The following PCDHB11 variants were observed in gnomAD, a reference collection of about 807,000 sequenced individuals.
PCDHB11 encodes protocadherin beta-11.
For missense variants in PCDHB11, 1,151 were observed against 1,003.4 expected (o/e 1.15, Z -1.99); for synonymous variants, 522 against 442.0 (o/e 1.18, Z -2.27).
At position 141,200,508 on chromosome 5, in the gene PCDHB11, C is replaced by CTT; in HGVS notation, c.738_739dup (p.Tyr247PhefsTer4). On this transcript the variant is annotated frameshift_variant, in exon 1 of 1. Transcript: ENST00000354757. LOFTEE classifies it low-confidence loss of function (END_TRUNC). ...GACAACTCCCCTGAATTTGAGCAGG[C>CTT]TTTTTATGAGGTGAAGATTCGGGAG... 1 of 1,614,142 alleles carries CTT rather than the reference C, an allele frequency of 6.2e-7. No homozygotes were observed. Among genetic ancestry groups the CTT allele is most frequent in the South Asian group, 1.1e-5 (1 of 91,082 alleles).
In PCDHB11 at chr5:141,201,507, G is replaced by A. The variant is rs1338909225; in HGVS notation, c.1733G>A (p.Arg578Gln). 2 of 1,608,856 alleles carry A rather than the reference G, an allele frequency of 1.2e-6. No homozygotes were observed. The highest frequency in any genetic ancestry group is 4.5e-4 in the Middle Eastern group (2 of 4,430). ...GSAPCTELVP[R>Q]AAEPGYLVTK... ...GCGCCCTGCACCGAGCTGGTGCCCC[G>A]GGCGGCCGAGCCGGGCTACCTGGTG... The change falls in exon 1 of 1, where the codon CGG (arginine) becomes CAG (glutamine). Residue 578 changes from arginine (R) to glutamine (Q), a missense_variant. Coordinates refer to ENST00000354757, the MANE Select transcript of PCDHB11 (RefSeq NM_018931.3).
rs781881768 is a variant in PCDHB11, at chr5:141,200,314, T to C, written c.540T>C (p.Ile180=). The C allele has an allele frequency of 1.9e-6, 3 of 1,613,990 alleles. No individual in the cohort carries two copies. The highest frequency in any genetic ancestry group is 2.5e-6 in the Non-Finnish European group (3 of 1,180,026). The change falls in exon 1 of 1, where the codon ATT becomes ATC. Residue 180 remains isoleucine (I), a synonymous_variant. Coordinates refer to ENST00000354757, the MANE Select transcript of PCDHB11 (RefSeq NM_018931.3). ...TAAGCCCCAACTCTCATTTTCACAT[T>C]AAAATGAGAGTCATTCCAGACAATA... is the stretch of plus-strand genomic sequence containing the variant. ...YTISPNSHFH[I]KMRVIPDNRK...
rs368457452 is a variant in PCDHB11, at chr5:141,201,234, A to C, written c.1460A>C (p.Asn487Thr). 6.6e-5 allele frequency: 107 copies of C among 1,613,034 alleles called. No individual in the cohort carries two copies. The African/African-American group carries it at 8.5e-4, about 13-fold the overall frequency. ...DRDSGTNAQV[N>T]YSLLPPQDLH... Reference sequence around the variant, plus strand: ...GACTCAGGCACCAACGCCCAGGTCAACTACTCGCTACTCCCGCCCCAGGAC... The same window carrying C: ...GACTCAGGCACCAACGCCCAGGTCACCTACTCGCTACTCCCGCCCCAGGAC... The change falls in exon 1 of 1, where the codon AAC (asparagine) becomes ACC (threonine). Residue 487 changes from asparagine to threonine, a missense_variant. Transcript: ENST00000354757.
chr5:141,202,229 TTTAGTC>T lies in PCDHB11; in HGVS notation c.*65_*70del, dbSNP rs1563969307. ...GTTTTATGTAACCATATCAATATTA[TTTAGTC>T]TTAAACTAGTTACGTTATTATGCAA... On this transcript the variant is annotated 3_prime_UTR_variant, in exon 1 of 1. Transcript: ENST00000354757. 1.5e-6 allele frequency: 2 copies of T among 1,376,564 alleles called. No individual in the cohort carries two copies. Among genetic ancestry groups the T allele is most frequent in the Admixed American group, 2.5e-5 (1 of 40,248 alleles). 85.3% of individuals were successfully genotyped at this position (1,376,564 alleles called of 1,614,324 possible). A position where few individuals can be genotyped will look rare whatever the true frequency, so the allele number is the denominator to read the frequency against.
Position 141,201,784 on chromosome 5 carries a change from C to T in PCDHB11, c.2010C>T (p.Tyr670=), listed in dbSNP as rs782091603. ...TGGTGGACGGCTTCTCCCAGCCCTA[C>T]CTGCCGCTCCCTGAGGCGGCACCGG... ...VLLVDGFSQP[Y]LPLPEAAPAQ... Residue 670 remains tyrosine, a synonymous_variant, in exon 1 of 1, where the codon TAC becomes TAT. Transcript: ENST00000354757. The T allele has an allele frequency of 5.5e-5, 89 of 1,609,826 alleles. No homozygotes were observed. Among genetic ancestry groups the T allele is most frequent in the Non-Finnish European group, 7.1e-5 (84 of 1,179,782 alleles).
In PCDHB11 at chr5:141,201,991, G is replaced by A. The variant is rs182213876; in HGVS notation, c.2217G>A (p.Val739=). 29 of 1,614,134 alleles carry A rather than the reference G, an allele frequency of 1.8e-5. No individual in the cohort carries two copies. The East Asian group carries it at 5.1e-4, about 29-fold the overall frequency. The stretch of plus-strand genomic sequence containing the variant: ...CCTTTCCAGGGCATCTGGTGGACGT[G>A]AGCGGCACCGGGACCCTTTCCCAGA... ...KGPFPGHLVD[V]SGTGTLSQSY... The change falls in exon 1 of 1, where the codon GTG becomes GTA. Residue 739 remains valine (V), a synonymous_variant. Coordinates refer to ENST00000354757, the MANE Select transcript of PCDHB11 (RefSeq NM_018931.3).
In PCDHB11 at chr5:141,202,533, C is replaced by CTTGA. The variant is rs1754230511; in HGVS notation, c.*366_*369dup. 6.1e-6 allele frequency: 1 copy of CTTGA among 164,464 alleles called. No homozygotes were observed. The highest frequency in any genetic ancestry group is 1.3e-5 in the Non-Finnish European group (1 of 76,330). The allele number at this position is 164,464 out of a possible 1,614,324, so 10.2% of individuals were successfully genotyped here. ...ACGTTGGCCGGGCAGGTTTTAAACT[C>CTTGA]TTGACCTCATGTTCCACCCGCCACG... On this transcript the variant is annotated 3_prime_UTR_variant, in exon 1 of 1. Transcript: ENST00000354757.
rs1241721332 is a variant in PCDHB11 at position 141,202,930 on chromosome 5, T to C, written c.*762T>C. ...TTCAATTTTCAAGTATTGCATATCATTGTGAATAACATTGTAAATCCTTTT... is the reference window on the plus strand; with the variant it reads ...TTCAATTTTCAAGTATTGCATATCACTGTGAATAACATTGTAAATCCTTTT... On this transcript the variant is annotated 3_prime_UTR_variant, in exon 1 of 1. Coordinates refer to ENST00000354757, the MANE Select transcript of PCDHB11 (RefSeq NM_018931.3). 2 of 151,902 alleles carry C rather than the reference T, an allele frequency of 1.3e-5. No individual in the cohort carries two copies. The highest frequency in any genetic ancestry group is 4.8e-5 in the African/African-American group (2 of 41,310). 9.4% of individuals were successfully genotyped at this position (151,902 alleles called of 1,614,324 possible).
At position 141,201,459 on chromosome 5, in the gene PCDHB11, T is replaced by C. The variant is rs1554285614; in HGVS notation, c.1685T>C (p.Leu562Pro). Residue 562 changes from leucine (L) to proline (P), a missense_variant, in exon 1 of 1, where the codon CTG becomes CCG. Physicochemically the swap from Leu to Pro is moderately conservative, Grantham distance 98. Coordinates refer to ENST00000354757, the MANE Select transcript of PCDHB11 (RefSeq NM_018931.3). ...LDANDNSPFV[L>P]YPLQNGSAPC... ...GCCAACGACAACTCGCCCTTCGTGC[T>C]GTACCCGCTGCAGAACGGCTCCGCG... is the stretch of plus-strand genomic sequence containing the variant. 9 of 1,610,878 alleles carry C rather than the reference T, an allele frequency of 5.6e-6. No homozygotes were observed. The highest frequency in any genetic ancestry group is 1.1e-5 in the South Asian group (1 of 90,910).
Position 141,201,186 on chromosome 5 carries a change from G to C in PCDHB11, c.1412G>C (p.Gly471Ala). Residue 471 changes from glycine (G) to alanine (A), a missense_variant, in exon 1 of 1, where the codon GGC (glycine) becomes GCC (alanine). By Grantham distance (60) the Gly-to-Ala change is moderately conservative. Transcript: ENST00000354757. ...RENNSPALHI[G>A]SVSATDRDSG... Reference sequence around the variant, plus strand: ...AACAACAGCCCCGCCCTGCACATCGGCAGTGTCAGCGCTACAGACAGAGAC... The same window carrying C: ...AACAACAGCCCCGCCCTGCACATCGCCAGTGTCAGCGCTACAGACAGAGAC... 1.2e-6 allele frequency: 2 copies of C among 1,613,364 alleles called. No homozygotes were observed. The highest frequency in any genetic ancestry group is 8.5e-7 in the Non-Finnish European group (1 of 1,180,020).
At position 141,202,114 on chromosome 5, in the gene PCDHB11, G is replaced by C. The variant is rs1044790815; in HGVS notation, c.2340G>C (p.Gly780=). Residue 780 remains glycine (G), a synonymous_variant, in exon 1 of 1, where the codon GGG becomes GGC. Coordinates refer to ENST00000354757, the MANE Select transcript of PCDHB11 (RefSeq NM_018931.3). ...CTAATATCCAGGCAAAAGGTCTTGG[G>C]AAGAATAGTGAAGAAAACTCCACCT... ...VIPNIQAKGL[G]KNSEENSTFR... 1 of 1,613,308 alleles carries C rather than the reference G, an allele frequency of 6.2e-7. No homozygotes were observed. Among genetic ancestry groups the C allele is most frequent in the Non-Finnish European group, 8.5e-7 (1 of 1,179,582 alleles).
At position 141,200,966 on chromosome 5, in the gene PCDHB11, G is replaced by A; in HGVS notation, c.1192G>A (p.Glu398Lys). The A allele has an allele frequency of 6.2e-7, 1 of 1,614,172 alleles. No homozygotes were observed. The highest frequency in any genetic ancestry group is 1.1e-5 in the South Asian group (1 of 91,084). ...CCCATTCGTGCTAAAATCTTCAGTTGAGAATTACTACACGTTGGAAACAGA... is the reference window on the plus strand; with the variant it reads ...CCCATTCGTGCTAAAATCTTCAGTTAAGAATTACTACACGTTGGAAACAGA... ...DLPFVLKSSVENYYTLETERP... is the reference protein window; with the variant it reads ...DLPFVLKSSVKNYYTLETERP... Residue 398 changes from glutamate to lysine, a missense_variant, in exon 1 of 1, where the codon GAG becomes AAG. Coordinates refer to ENST00000354757, the MANE Select transcript of PCDHB11 (RefSeq NM_018931.3).
In PCDHB11 at chr5:141,201,390, C is replaced by A; in HGVS notation, c.1616C>A (p.Pro539Gln). The A allele has an allele frequency of 6.2e-7, 1 of 1,612,416 alleles. No individual in the cohort carries two copies. Among genetic ancestry groups the A allele is most frequent in the Non-Finnish European group, 8.5e-7 (1 of 1,179,852 alleles). ...FRVGATDRGS[P>Q]ALSSEALVRV... ...GTGGGCGCCACAGACCGCGGCTCCC[C>A]GGCTTTGAGCAGCGAGGCGCTGGTG... is the stretch of plus-strand genomic sequence containing the variant. Residue 539 changes from proline (P) to glutamine (Q), a missense_variant, in exon 1 of 1, where the codon CCG becomes CAG. By Grantham distance (76) the Pro-to-Gln change is moderately conservative (BLOSUM62 -1). Transcript: ENST00000354757.
Position 141,202,146 on chromosome 5 carries a change from A to G in PCDHB11, c.2372A>G (p.Asn791Ser), listed in dbSNP as rs1483996429. The G allele has an allele frequency of 6.2e-7, 1 of 1,602,288 alleles. No individual in the cohort carries two copies. The highest frequency in any genetic ancestry group is 8.5e-7 in the Non-Finnish European group (1 of 1,174,286). The change falls in exon 1 of 1, where the codon AAT (asparagine) becomes AGT (serine). Residue 791 changes from asparagine to serine, a missense_variant. Coordinates refer to ENST00000354757, the MANE Select transcript of PCDHB11 (RefSeq NM_018931.3). Reference sequence around the variant, plus strand: ...AGTGAAGAAAACTCCACCTTTCGAAATAGCTTTGGATTTAATTTTTAGTAA... The same window carrying G: ...AGTGAAGAAAACTCCACCTTTCGAAGTAGCTTTGGATTTAATTTTTAGTAA... ...KNSEENSTFR[N>S]SFGFNF
rs1374825712 is a variant in PCDHB11, at chr5:141,202,820, T to C, written c.*652T>C. 3 of 151,774 alleles carry C rather than the reference T, an allele frequency of 2.0e-5. No homozygotes were observed. The highest frequency in any genetic ancestry group is 2.9e-5 in the Non-Finnish European group (2 of 67,952). The allele number at this position is 151,774 out of a possible 1,614,324, so 9.4% of individuals were successfully genotyped here. On this transcript the variant is annotated 3_prime_UTR_variant, in exon 1 of 1. Coordinates refer to ENST00000354757, the MANE Select transcript of PCDHB11 (RefSeq NM_018931.3). ...AGAGACGGATCGTCACCATATTTCT[T>C]AGGCTGGCCTTTAACTTCTGAGCTC...
Position 141,201,959 on chromosome 5 carries a change from A to G in PCDHB11, c.2185A>G (p.Lys729Glu), listed in dbSNP as rs781907322. Residue 729 changes from lysine to glutamate, a missense_variant, in exon 1 of 1, where the codon AAG becomes GAG. Coordinates refer to ENST00000354757, the MANE Select transcript of PCDHB11 (RefSeq NM_018931.3). ...AASVGSCSVPKGPFPGHLVDV... is the reference protein window; with the variant it reads ...AASVGSCSVPEGPFPGHLVDV... ...CTCGGTGGGAAGCTGCTCGGTGCCTAAGGGCCCCTTTCCAGGGCATCTGGT... is the reference window on the plus strand; with the variant it reads ...CTCGGTGGGAAGCTGCTCGGTGCCTGAGGGCCCCTTTCCAGGGCATCTGGT... The G allele has an allele frequency of 9.9e-6, 16 of 1,613,842 alleles. No homozygotes were observed. In the Middle Eastern group the frequency reaches 4.9e-4, roughly 50 times the overall value.
In PCDHB11 at chr5:141,202,467, ATTT is replaced by A; in HGVS notation, c.*311_*313del. The A allele has an allele frequency of 6.4e-5, 11 of 172,736 alleles. No individual in the cohort carries two copies. The highest frequency in any genetic ancestry group is 8.2e-5 in the Non-Finnish European group (7 of 84,940). The allele number at this position is 172,736 out of a possible 1,614,324, so 10.7% of individuals were successfully genotyped here. On this transcript the variant is annotated 3_prime_UTR_variant, in exon 1 of 1. Coordinates refer to ENST00000354757, the MANE Select transcript of PCDHB11 (RefSeq NM_018931.3). Reference sequence around the variant, plus strand: ...GGCGCCCACCACCACGCTCGGCTAAATTTTTTTTTTTTTTATCTTTAGTAGAGA... The same window carrying A: ...GGCGCCCACCACCACGCTCGGCTAAATTTTTTTTTTTATCTTTAGTAGAGA...
In PCDHB11 at chr5:141,200,340, G is replaced by C; in HGVS notation, c.566G>C (p.Arg189Thr). ...AAAATGAGAGTCATTCCAGACAATA[G>C]GAAATACCCCGAGTTAGTTCTGGAC... ...HIKMRVIPDN[R>T]KYPELVLDKA... The change falls in exon 1 of 1, where the codon AGG becomes ACG. Residue 189 changes from arginine to threonine, a missense_variant. By Grantham distance (71) the Arg-to-Thr change is moderately conservative. Coordinates refer to ENST00000354757, the MANE Select transcript of PCDHB11 (RefSeq NM_018931.3). The C allele has an allele frequency of 6.2e-7, 1 of 1,614,136 alleles. No individual in the cohort carries two copies. Among genetic ancestry groups the C allele is most frequent in the African/African-American group, 1.3e-5 (1 of 75,026 alleles).
chr5:141,200,956 A>C lies in PCDHB11; in HGVS notation c.1182A>C (p.Lys394Asn). 6.2e-7 allele frequency: 1 copy of C among 1,614,218 alleles called. No individual in the cohort carries two copies. The highest frequency in any genetic ancestry group is 8.5e-7 in the Non-Finnish European group (1 of 1,180,042). Residue 394 changes from lysine (K) to asparagine (N), a missense_variant, in exon 1 of 1, where the codon AAA becomes AAC. Transcript: ENST00000354757. The stretch of plus-strand genomic sequence containing the variant: ...CGGAAGACCTCCCATTCGTGCTAAA[A>C]TCTTCAGTTGAGAATTACTACACGT... ...SIPEDLPFVL[K>N]SSVENYYTLE...
Sources: gnomAD v4.1 joint callset for allele counts on GRCh38, gnomAD v4.1.1 for gene constraint, MANE v1.5 for transcripts, NCBI Gene and HGNC (gene_info 2026-07-23, HGNC 2026-07-21) for gene names.